The following MATK variants were observed in gnomAD, a reference collection of about 807,000 sequenced individuals.
MATK encodes the protein megakaryocyte-associated tyrosine kinase.
Under a neutral mutation model 59.8 loss-of-function variants are expected in MATK, and 41 were observed. The observed-to-expected ratio is 0.69, with a 90% CI of 0.53 to 0.89. MATK has a LOEUF of 0.89. Among genes scored for constraint, MATK ranks in the 40% least tolerant of loss-of-function variants. The pLI is 0.00. For missense variants in MATK, 593 were observed against 719.6 expected (o/e 0.82, Z 2.01); for synonymous variants, 308 against 306.1 (o/e 1.01, Z -0.06).
chr19:3,780,410 T>C (rs990519337), intron 8 of MATK, among the ~76,000 whole-genome samples: 3 of 151,866 alleles, frequency 2.0e-5, no homozygotes, highest in Non-Finnish European at 2.9e-5. Flanking sequence ...AAAATGTTTT[T>C]TGCATTTTTA....
intron 1 of MATK, among the ~76,000 whole-genome samples, chr19:3,792,323 T>C (rs2037550634): frequency 6.6e-6 from 1 of 151,998 alleles, no homozygotes; most frequent in Non-Finnish European, 1.5e-5. Flanking sequence ...TGATGAGTCA[T>C]ATGACAGATA....
upstream of MATK, among the ~76,000 whole-genome samples, chr19:3,787,173 C>G (rs2037495400): frequency 2.0e-5 from 3 of 152,176 alleles, no homozygotes; most frequent in African/African-American, 7.2e-5. Flanking sequence ...CACTCTATCC[C>G]CTGGGCTGGA....
chr19:3,778,615 G>T lies in MATK; in HGVS notation c.1198-20C>A. 1 of 1,594,602 alleles carries T rather than the reference G, an allele frequency of 6.3e-7. No individual in the cohort carries two copies. Among genetic ancestry groups the T allele is most frequent in the Non-Finnish European group, 8.5e-7 (1 of 1,170,908 alleles). ...GAACTTCTGTGGGGCCCGAGACGGG[G>T]GTGAGGAGGGACCCCTCAGGTTTTC... On this transcript the variant is annotated intron_variant, in intron 12 of 13. Transcript: ENST00000310132.
At chr19:3,791,252 A>G (rs2037538373), upstream of MATK, among the ~76,000 whole-genome samples, 1 of 152,058 alleles carries the variant, frequency 6.6e-6, no homozygotes, top group African/African-American at 2.4e-5. Flanking sequence ...CCGAGAGTCC[A>G]TAAACCTGCC....
intron 13 of MATK, 35 bp downstream of exon 13, chr19:3,778,474 C>T (rs769427015): frequency 6.2e-7 from 1 of 1,613,766 alleles, no homozygotes; most frequent in Non-Finnish European, 8.5e-7. Flanking sequence ...CTGGACCTGC[C>T]CGGAACCCAG....
At chr19:3,801,091 C>G (rs1251698524) in intron 1 of MATK, among the ~76,000 whole-genome samples, 2 of 152,174 alleles carry the variant, frequency 1.3e-5, no homozygotes, top group Admixed American at 1.3e-4. Context: ...CCCGCCTCGG[C>G]CTCTCAAAGT....
At chr19:3,780,797 G>A (rs572869522) in intron 8 of MATK, among the ~76,000 whole-genome samples, 14 of 151,594 alleles carry the variant, frequency 9.2e-5, no homozygotes, top group East Asian at 1.9e-4. Context: ...GTGCAGTGGC[G>A]TGATCACAGC....
Position 3,779,199 on chromosome 19 carries a change from A to AGGGGGCAGT in MATK, c.1002-21_1002-13dup. On this transcript the variant is annotated splice_polypyrimidine_tract_variant and intron_variant, in intron 11 of 13. Transcript: ENST00000310132. Reference sequence around the variant, plus strand: ...CCTCGGCCACGTGCCTGGGGGTAGTAGGGGGCAGTGGGGGCTCAGGTGCCA... The same window carrying AGGGGGCAGT: ...CCTCGGCCACGTGCCTGGGGGTAGTAGGGGGCAGTGGGGGCAGTGGGGGCTCAGGTGCCA... The AGGGGGCAGT allele has an allele frequency of 6.3e-7, 1 of 1,574,912 alleles. No individual in the cohort carries two copies. Among genetic ancestry groups the AGGGGGCAGT allele is most frequent in the Non-Finnish European group, 8.6e-7 (1 of 1,160,024 alleles).
upstream of MATK, among the ~76,000 whole-genome samples, chr19:3,790,029 G>T (rs2037525923): frequency 6.6e-6 from 1 of 152,210 alleles, no homozygotes; most frequent in South Asian, 2.1e-4. Context: ...AGCCTCCTGA[G>T]TAGCTGGGAT....
intron 1 of MATK, among the ~76,000 whole-genome samples, chr19:3,793,829 A>G (rs2145114079): frequency 6.6e-6 from 1 of 152,306 alleles, no homozygotes; most frequent in Admixed American, 6.5e-5. Context: ...AGATCAGGCC[A>G]CTGCATTCCA....
chr19:3,778,231 T>C lies in MATK; in HGVS notation c.1476A>G (p.Ser492=). ...AGGTGGAGCCGTCGGCGTCCTGCCC[T>C]GAGACGGAGGCTGGGGCACCTGCAC... ...LRSAGAPASV[S]GQDADGSTSP... is the part of the protein sequence containing the mutation. Residue 492 remains serine, a synonymous_variant, in exon 14 of 14, where the codon TCA becomes TCG. Coordinates refer to ENST00000310132, the MANE Select transcript of MATK (RefSeq NM_139355.3). The C allele has an allele frequency of 6.3e-7, 1 of 1,575,284 alleles. No individual in the cohort carries two copies. Among genetic ancestry groups the C allele is most frequent in the Non-Finnish European group, 8.5e-7 (1 of 1,170,558 alleles).
Position 3,778,149 on chromosome 19 carries a change from G to A in MATK, c.*34C>T, listed in dbSNP as rs759321747. The A allele has an allele frequency of 7.8e-6, 12 of 1,531,040 alleles. No homozygotes were observed. The highest frequency in any genetic ancestry group is 4.5e-5 in the Admixed American group (2 of 44,938). The allele number at this position is 1,531,040 out of a possible 1,614,324, so 94.8% of individuals were successfully genotyped here. A position where few individuals can be genotyped will look rare whatever the true frequency, so the allele number is the denominator to read the frequency against. On this transcript the variant is annotated 3_prime_UTR_variant, in exon 14 of 14. Transcript: ENST00000310132. ...CCCACGCCGCACTCTCCACTCTCTC[G>A]GTCCTCTGGGGCCAAGGGCCCCACC...
intron 7 of MATK, among the ~76,000 whole-genome samples, chr19:3,782,097 C>G (rs949743637): frequency 7.2e-5 from 11 of 152,108 alleles, no homozygotes; most frequent in Non-Finnish European, 1.6e-4. Flanking sequence ...CAAATACCCT[C>G]TGGGCTCTTC....
chr19:3,781,101 C>T (rs2037395055), intron 8 of MATK, among the ~76,000 whole-genome samples: 1 of 152,154 alleles, frequency 6.6e-6, no homozygotes, highest in Non-Finnish European at 1.5e-5. Flanking sequence ...GTGAGCATTA[C>T]ACAAAATTCA....
upstream of MATK, among the ~76,000 whole-genome samples, chr19:3,790,826 A>C (rs1312115061): frequency 6.6e-6 from 1 of 152,100 alleles, no homozygotes; most frequent in Non-Finnish European, 1.5e-5. Flanking sequence ...GGTCTCCCTG[A>C]AAGGGCCCCT....
At chr19:3,784,071 G>A (rs1367783795) in intron 5 of MATK, 38 bp from the exon 6 acceptor site, 4 of 1,591,240 alleles carry the variant, frequency 2.5e-6, no homozygotes, top group East Asian at 4.5e-5. Flanking sequence ...CTGGGCTGTG[G>A]AGGGGGGGTC....
rs780442262 is a variant in MATK at position 3,778,528 on chromosome 19, C to A, written c.1265G>T (p.Arg422Leu). Residue 422 changes from arginine to leucine, a missense_variant, in exon 13 of 14, where the codon CGG becomes CTG. Transcript: ENST00000310132. ...VLLWEVFSYGRAPYPKMSLKE... is the reference protein window; with the variant it reads ...VLLWEVFSYGLAPYPKMSLKE... ...GCTCACCATTTTAGGGTACGGAGCCCGTCCATATGAGAAGACCTCCCAGAG... is the reference window on the plus strand; with the variant it reads ...GCTCACCATTTTAGGGTACGGAGCCAGTCCATATGAGAAGACCTCCCAGAG... 4 of 1,613,830 alleles carry A rather than the reference C, an allele frequency of 2.5e-6. No homozygotes were observed. The highest frequency in any genetic ancestry group is 3.4e-6 in the Non-Finnish European group (4 of 1,179,920).
At position 3,779,763 on chromosome 19, in the gene MATK, C is replaced by T. The variant is rs1425255478; in HGVS notation, c.777G>A (p.Val259=). The T allele has an allele frequency of 1.2e-6, 2 of 1,613,082 alleles. No homozygotes were observed. The highest frequency in any genetic ancestry group is 2.7e-5 in the African/African-American group (2 of 75,012). ...CATCACACTTGATATTCTTCACGGCCACCTTTTGCCCCAGGTACTCACCCT... is the reference window on the plus strand; with the variant it reads ...CATCACACTTGATATTCTTCACGGCTACCTTTTGCCCCAGGTACTCACCCT... ...VLQGEYLGQK[V]AVKNIKCDVT... The change falls in exon 9 of 14, where the codon GTG becomes GTA. Residue 259 remains valine (V), a synonymous_variant. Transcript: ENST00000310132.
upstream of MATK, chr19:3,789,316 T>A (rs1157640658): frequency 1.3e-6 from 1 of 778,516 alleles, no homozygotes; most frequent in Non-Finnish European, 2.4e-6. Flanking sequence ...AGGTCTGCCT[T>A]CTCTTCGTTC....
Sources: allele counts gnomAD v4.1 joint callset (sites outside exome capture counted in the v4.1 genomes callset), GRCh38; gene constraint gnomAD v4.1.1; transcripts MANE v1.5; gene names NCBI Gene and HGNC (gene_info 2026-07-23, HGNC 2026-07-21).